SGPP2: variants seen among roughly 807,000 people sequenced by gnomAD.
The protein encoded by SGPP2 is sphingosine 1-phosphate phosphohydrolase 2.
SGPP2 carries 30 observed loss-of-function variants against 33.9 expected under a neutral mutation model. The observed-to-expected ratio is 0.89, with a 90% CI of 0.66 to 1.20. The LOEUF is 1.20. SGPP2 is among the 50% of genes most tolerant of loss of function. The pLI is 0.00. For synonymous variants in SGPP2, 233 were observed against 225.0 expected (o/e 1.04, Z -0.32); for missense variants, 458 against 532.1 (o/e 0.86, Z 1.37).
chr2:222,469,521 T>C (rs1482740754), intron 1 of SGPP2, among the ~76,000 whole-genome samples: 1 of 152,222 alleles, frequency 6.6e-6, no homozygotes, highest in Non-Finnish European at 1.5e-5. Context: ...CCTCAAAGTC[T>C]GCCATCAAAG....
chr2:222,558,429 C>T lies in SGPP2; in HGVS notation c.731C>T (p.Ser244Leu), dbSNP rs768956065. 1.4e-5 allele frequency: 22 copies of T among 1,614,042 alleles called. No homozygotes were observed. The highest frequency in any genetic ancestry group is 1.6e-5 in the Non-Finnish European group (19 of 1,180,024). The change falls in exon 5 of 5, where the codon TCG becomes TTG. Residue 244 changes from serine to leucine, a missense_variant. Physicochemically the swap from Ser to Leu is moderately radical, Grantham distance 145. Transcript: ENST00000321276. ...PAWTFIDCLD[S>L]ASPLFPVCVI... ...TGGACCTTCATCGACTGCCTGGACT[C>T]GGCCAGCCCCCTCTTCCCCGTGTGT...
rs536050720 is a variant in SGPP2 at position 222,425,289 on chromosome 2, G to C, written c.219+468G>C. ...GGCTCAGCGCGCTCCTCACCGCGCT[G>C]CACCGCCAGCTCTGGGCACAGAACT... On this transcript the variant is annotated intron_variant, in intron 1 of 4. Transcript: ENST00000321276. 3.0e-3 allele frequency among the ~76,000 whole-genome samples: 458 copies of C among 151,944 alleles called. 2 individuals are homozygous for C. The highest frequency in any genetic ancestry group is 0.011 in the African/African-American group (446 of 41,400).
chr2:222,424,772 A>G lies in SGPP2; in HGVS notation c.170A>G (p.Lys57Arg). Residue 57 changes from lysine to arginine, a missense_variant, in exon 1 of 5, where the codon AAG becomes AGG. Lys to Arg is a conservative substitution (Grantham distance 26). Coordinates refer to ENST00000321276, the MANE Select transcript of SGPP2 (RefSeq NM_152386.4). The stretch of plus-strand genomic sequence containing the variant: ...GAGCATCTCCCCGCAGCCAACGGCA[A>G]GGGCGGCGAGGCTCCGGCCAACGGG... ...GVEHLPAANG[K>R]GGEAPANGLR... The G allele has an allele frequency of 2.9e-6, 4 of 1,399,394 alleles. No homozygotes were observed. Among genetic ancestry groups the G allele is most frequent in the Non-Finnish European group, 2.8e-6 (3 of 1,078,268 alleles). 86.7% of individuals were successfully genotyped at this position (1,399,394 alleles called of 1,614,324 possible).
At chr2:222,492,105 C>A (rs1225338666) in intron 2 of SGPP2, among the ~76,000 whole-genome samples, 1 of 152,168 alleles carries the variant, frequency 6.6e-6, no homozygotes, top group Non-Finnish European at 1.5e-5. Context: ...GTGCCTGCAG[C>A]TTTTTCAGAC....
intron 2 of SGPP2, among the ~76,000 whole-genome samples, chr2:222,500,471 A>G (rs1283384892): frequency 6.6e-6 from 1 of 152,188 alleles, no homozygotes; most frequent in East Asian, 1.9e-4. Flanking sequence ...CTTTGGACTT[A>G]GTTTGCCACA....
intron 1 of SGPP2, among the ~76,000 whole-genome samples, chr2:222,433,945 A>G (rs1469267939): frequency 2.0e-5 from 3 of 152,222 alleles, no homozygotes; most frequent in Non-Finnish European, 4.4e-5. Flanking sequence ...AGATGTCAAG[A>G]CATTTGCATT....
At chr2:222,548,481 C>T (rs552058738) in intron 4 of SGPP2, among the ~76,000 whole-genome samples, 14 of 152,210 alleles carry the variant, frequency 9.2e-5, no homozygotes, top group African/African-American at 3.4e-4. Context: ...TCTCTTTCCA[C>T]ACCTAGTGAT....
chr2:222,479,395 C>T (rs1056469438), intron 2 of SGPP2, among the ~76,000 whole-genome samples: 10 of 144,334 alleles, frequency 6.9e-5, no homozygotes, highest in African/African-American at 2.4e-4. Flanking sequence ...TCTTATCTAC[C>T]CTTCTTTTTT....
intron 1 of SGPP2, among the ~76,000 whole-genome samples, chr2:222,458,570 T>C (rs1697608087): frequency 1.3e-5 from 2 of 152,198 alleles, no homozygotes; most frequent in African/African-American, 4.8e-5. Flanking sequence ...GTGGTCTCTT[T>C]TACAGTCAGA....
At chr2:222,458,131 G>A (rs1697600075) in intron 1 of SGPP2, among the ~76,000 whole-genome samples, 1 of 152,076 alleles carries the variant, frequency 6.6e-6, no homozygotes, top group South Asian at 2.1e-4. Context: ...GCTCACTACG[G>A]CCTCAACCTC....
At chr2:222,467,100 C>G (rs1391540897) in intron 1 of SGPP2, among the ~76,000 whole-genome samples, 1 of 152,128 alleles carries the variant, frequency 6.6e-6, no homozygotes, top group Non-Finnish European at 1.5e-5. Flanking sequence ...TGTTGAAAGA[C>G]CCTTCACTGG....
At chr2:222,483,139 A>G (rs1219304525) in intron 2 of SGPP2, among the ~76,000 whole-genome samples, 1 of 152,152 alleles carries the variant, frequency 6.6e-6, no homozygotes, top group East Asian at 1.9e-4. Context: ...ATATGGCTTT[A>G]CTTATTTTGT....
At position 222,424,707 on chromosome 2, in the gene SGPP2, C is replaced by A; in HGVS notation, c.105C>A (p.Gly35=). 6.9e-7 allele frequency: 1 copy of A among 1,447,114 alleles called. No individual in the cohort carries two copies. Among genetic ancestry groups the A allele is most frequent in the Non-Finnish European group, 9.1e-7 (1 of 1,102,044 alleles). The allele number at this position is 1,447,114 out of a possible 1,614,324, so 89.6% of individuals were successfully genotyped here. A position where few individuals can be genotyped will look rare whatever the true frequency, so the allele number is the denominator to read the frequency against. The change falls in exon 1 of 5, where the codon GGC becomes GGA. Residue 35 remains glycine (G), a synonymous_variant. Coordinates refer to ENST00000321276, the MANE Select transcript of SGPP2 (RefSeq NM_152386.4). ...CGGATGAAGGCCCCCGGGAGAACGG[C>A]GCGGACCCCACGGAGCGCGCGGCGC... The part of the protein sequence containing the change: ...PAPDEGPREN[G]ADPTERAARV...
chr2:222,437,176 C>A (rs893143817), intron 1 of SGPP2, among the ~76,000 whole-genome samples: 2 of 152,220 alleles, frequency 1.3e-5, no homozygotes, highest in Admixed American at 1.3e-4. Context: ...CATCCACATA[C>A]CTCTTCCCCA....
At chr2:222,500,253 G>A (rs1698346660) in intron 2 of SGPP2, among the ~76,000 whole-genome samples, 2 of 152,240 alleles carry the variant, frequency 1.3e-5, no homozygotes, top group South Asian at 4.1e-4. Flanking sequence ...CTGGGATGGA[G>A]GGGTGAGTGG....
At chr2:222,544,752 C>T (rs1040346258) in intron 4 of SGPP2, among the ~76,000 whole-genome samples, 5 of 152,042 alleles carry the variant, frequency 3.3e-5, no homozygotes, top group Non-Finnish European at 5.9e-5. Flanking sequence ...TATAATATAG[C>T]TCTGTTATTC....
At chr2:222,557,229 T>G (rs1285394628) in intron 4 of SGPP2, among the ~76,000 whole-genome samples, 2 of 152,156 alleles carry the variant, frequency 1.3e-5, no homozygotes. Context: ...TACCAGACCG[T>G]GAGGTCCAGG....
intron 1 of SGPP2, among the ~76,000 whole-genome samples, chr2:222,442,018 A>C (rs1312367419): frequency 6.6e-6 from 1 of 152,254 alleles, no homozygotes; most frequent in Non-Finnish European, 1.5e-5. Flanking sequence ...CCAAGCAACC[A>C]CATGAAATGC....
rs571013713 is a variant in SGPP2, at chr2:222,451,719, T to G, written c.220-22849T>G. Among the ~76,000 whole-genome samples, 39 of 152,328 alleles carry G rather than the reference T, an allele frequency of 2.6e-4. No individual in the cohort carries two copies. The South Asian group carries it at 7.3e-3, about 28-fold the overall frequency. On this transcript the variant is annotated intron_variant, in intron 1 of 4. Coordinates refer to ENST00000321276, the MANE Select transcript of SGPP2 (RefSeq NM_152386.4). ...GTAAAGGAAGATAAATATCAAACTC[T>G]TAATCAAAGGAAGGAAGAGAAGGGA...
Sources: allele counts gnomAD v4.1 joint callset (sites outside exome capture counted in the v4.1 genomes callset), GRCh38; gene constraint gnomAD v4.1.1; transcripts MANE v1.5; gene names NCBI Gene and HGNC (gene_info 2026-07-23, HGNC 2026-07-21).